LARGE1: variants seen among roughly 807,000 people sequenced by gnomAD.
LARGE1 encodes LARGE xylosyl- and glucuronyltransferase 1, also known as xylosyl- and glucuronyltransferase LARGE1.
LARGE1 carries 43 observed loss-of-function variants against 87.6 expected under a neutral mutation model. That is an observed-to-expected ratio of 0.49 (90% CI 0.38 to 0.63). The LOEUF (loss-of-function observed/expected upper bound fraction) is 0.63. Among genes scored for constraint, LARGE1 ranks in the 30% least tolerant of loss-of-function variants. The pLI, the probability that LARGE1 is intolerant of heterozygous loss-of-function variation, is 0.00. For synonymous variants in LARGE1, 434 were observed against 394.6 expected (o/e 1.10, Z -1.18); for missense variants, 802 against 1,000.2 (o/e 0.80, Z 2.67).
At chr22:33,669,813 A>T (rs952112203) in intron 2 of LARGE1, among the ~76,000 whole-genome samples, 2 of 152,284 alleles carry the variant, frequency 1.3e-5, no homozygotes, top group African/African-American at 4.8e-5. Flanking sequence ...AGGAAAGAAC[A>T]CATACATTTG....
intron 11 of LARGE1, among the ~76,000 whole-genome samples, chr22:33,245,822 T>C (rs1020699452): frequency 2.0e-5 from 3 of 152,120 alleles, no homozygotes; most frequent in Non-Finnish European, 4.4e-5. Flanking sequence ...GGCAGGAGAA[T>C]CACTTGAACC....
intron 2 of LARGE1, among the ~76,000 whole-genome samples, chr22:33,674,383 C>T (rs1447757236): frequency 6.6e-6 from 1 of 152,196 alleles, no homozygotes; most frequent in East Asian, 1.9e-4. Flanking sequence ...ATTTCACCTA[C>T]TATCATGTCC....
At chr22:33,589,983 G>C (rs1265036289) in intron 5 of LARGE1, among the ~76,000 whole-genome samples, 1 of 152,026 alleles carries the variant, frequency 6.6e-6, no homozygotes, top group Admixed American at 6.6e-5. Flanking sequence ...TTTTTTTGAT[G>C]AACACTTCAC....
chr22:33,105,947 G>A, the LARGE1 span: 1 of 152,388 alleles, frequency 6.6e-6, no homozygotes, highest in African/African-American at 2.4e-5. Flanking sequence ...TTGCTTACCA[G>A]ATATGTCAAA....
intron 3 of LARGE1, among the ~76,000 whole-genome samples, chr22:33,638,169 G>A (rs539366566): frequency 2.6e-5 from 4 of 152,190 alleles, no homozygotes; most frequent in Non-Finnish European, 4.4e-5. Flanking sequence ...GCTGGCAAAC[G>A]CCTTCACTGC....
chr22:33,916,248 T>C (rs2065784145), intron 1 of LARGE1, among the ~76,000 whole-genome samples: 1 of 151,740 alleles, frequency 6.6e-6, no homozygotes. Context: ...GCCACTGCAC[T>C]CTAGCCTGGC....
At chr22:33,089,371 C>CTTCTTCTTCTTCTCCTTCTTCTT in the LARGE1 span, among the ~76,000 whole-genome samples, 1 of 76,048 alleles carries the variant, frequency 1.3e-5, no homozygotes, top group East Asian at 4.3e-4. Flanking sequence ...TTCTTCTTCT[C>CTTCTTCTTCTTCTCCTTCTTCTT]CTTCTTCTTC....
At chr22:33,807,978 T>G (rs1484021480) in intron 1 of LARGE1, among the ~76,000 whole-genome samples, 1 of 152,212 alleles carries the variant, frequency 6.6e-6, no homozygotes, top group Admixed American at 6.5e-5. Context: ...ATGTGAAGGT[T>G]TCTGTGTGGA....
At chr22:33,151,634 T>C in the LARGE1 span, among the ~76,000 whole-genome samples, 3 of 152,294 alleles carry the variant, frequency 2.0e-5, no homozygotes, top group Admixed American at 1.3e-4. Flanking sequence ...CTTAGTTTGA[T>C]GAGAGGTTTT....
At chr22:33,889,371 A>G (rs1054850041) in intron 1 of LARGE1, 1 of 152,248 alleles carries the variant, frequency 6.6e-6, no homozygotes, top group East Asian at 1.9e-4. Context: ...CATTTATGAC[A>G]TCTTTTTCAA....
At chr22:33,544,984 G>A (rs962983619) in intron 6 of LARGE1, among the ~76,000 whole-genome samples, 13 of 152,110 alleles carry the variant, frequency 8.5e-5, no homozygotes, top group African/African-American at 3.1e-4. Flanking sequence ...TGATGTTACT[G>A]GAAGGAAGAA....
chr22:33,089,321 T>TTCTTTCTTCTTCTTCTTCTTCTTC, the LARGE1 span, among the ~76,000 whole-genome samples: 172 of 87,062 alleles, frequency 2.0e-3, no homozygotes, highest in African/African-American at 2.7e-3. Flanking sequence ...TTCTTTCTTC[T>TTCTTTCTTCTTCTTCTTCTTCTTC]TTCTTCTTCT....
intron 9 of LARGE1, among the ~76,000 whole-genome samples, chr22:33,342,588 G>A (rs997934038): frequency 7.9e-5 from 12 of 152,160 alleles, no homozygotes; most frequent in African/African-American, 2.7e-4. Flanking sequence ...GATGAGGAGA[G>A]TGAAATTTAC....
chr22:33,284,460 G>T (rs1488461523), intron 12 of LARGE1, among the ~76,000 whole-genome samples: 1 of 152,158 alleles, frequency 6.6e-6, no homozygotes, highest in Non-Finnish European at 1.5e-5. Flanking sequence ...GCTCCTCCGA[G>T]ACCCGATCCT....
chr22:33,737,286 G>A (rs889086864), intron 2 of LARGE1, among the ~76,000 whole-genome samples: 3 of 152,108 alleles, frequency 2.0e-5, no homozygotes, highest in Non-Finnish European at 4.4e-5. Flanking sequence ...CATTCACTCA[G>A]CTGAACTCAC....
chr22:33,253,339 G>C (rs1473322868), intron 11 of LARGE1, among the ~76,000 whole-genome samples: 1 of 152,184 alleles, frequency 6.6e-6, no homozygotes, highest in African/African-American at 2.4e-5. Flanking sequence ...ACTAATTAAA[G>C]AGTAGCACTA....
upstream of LARGE1, among the ~76,000 whole-genome samples, chr22:33,921,070 C>G (rs1252214120): frequency 4.0e-5 from 6 of 148,318 alleles, no homozygotes; most frequent in African/African-American, 9.8e-5. The surrounding 1 kb of genome is among the most constrained non-coding windows in gnomAD (Gnocchi z 4.1). Context: ...GGGTTCCGAG[C>G]GGGGGCGGGG....
intron 1 of LARGE1, among the ~76,000 whole-genome samples, chr22:33,796,527 G>A (rs1479920236): frequency 1.3e-5 from 2 of 152,040 alleles, no homozygotes; most frequent in African/African-American, 2.4e-5. Flanking sequence ...CAGAAGACTC[G>A]TAAGAAAAGC....
intron 1 of LARGE1, among the ~76,000 whole-genome samples, chr22:33,764,594 C>A (rs1239835250): frequency 1.3e-5 from 2 of 152,010 alleles, no homozygotes; most frequent in Non-Finnish European, 2.9e-5. Context: ...CCTGTCTCTA[C>A]TAAAAATACA....
Sources: gnomAD v4.1 joint callset for allele counts (sites outside exome capture counted in the v4.1 genomes callset) on GRCh38, gnomAD v4.1.1 for gene constraint, Gnocchi (gnomAD v3.1) non-coding constraint, MANE v1.5 for transcripts, NCBI Gene and HGNC (gene_info 2026-07-23, HGNC 2026-07-21) for gene names.